Variants in GGPS1 observed in about 807,000 individuals in gnomAD.
The protein encoded by GGPS1 is geranylgeranyl pyrophosphate synthase.
GGPS1 carries 15 observed loss-of-function variants against 28.1 expected under a neutral mutation model. The ratio of observed to expected loss-of-function variants is 0.53; its 90% CI spans 0.36 to 0.82. The LOEUF (loss-of-function observed/expected upper bound fraction) is 0.82, where lower values mean the gene tolerates loss of function less well. Among genes scored for constraint, GGPS1 ranks in the 40% least tolerant of loss-of-function variants. The pLI is 0.01. For missense variants in GGPS1, 284 were observed against 348.3 expected, an observed-to-expected ratio of 0.82 and a Z score of 1.47; for synonymous variants, 138 against 122.4, an observed-to-expected ratio of 1.13 and a Z score of -0.84.
Position 235,344,151 on chromosome 1 carries a change from C to CAAAAAAAA in GGPS1, c.*1391_*1398dup, listed in dbSNP as rs77179024. 1 of 78,008 alleles carries CAAAAAAAA rather than the reference C, an allele frequency of 1.3e-5. No individual in the cohort carries two copies. Among genetic ancestry groups the CAAAAAAAA allele is most frequent in the Non-Finnish European group, 3.0e-5 (1 of 32,932 alleles). 4.8% of individuals were successfully genotyped at this position (78,008 alleles called of 1,614,324 possible). A position where few individuals can be genotyped will look rare whatever the true frequency, so the allele number is the denominator to read the frequency against. On this transcript the variant is annotated 3_prime_UTR_variant, in exon 4 of 4. Coordinates refer to ENST00000282841, the MANE Select transcript of GGPS1 (RefSeq NM_004837.4). ...GTCATCTGTGGCCCAAGAGGTAGGA[C>CAAAAAAAA]AAAAAAAAAAAAAAAAAAAGCTGAT...
intron 2 of GGPS1, among the ~76,000 whole-genome samples, chr1:235,335,557 G>A (rs1274645461): frequency 3.3e-5 from 5 of 151,852 alleles, no homozygotes; most frequent in Non-Finnish European, 7.3e-5. Context: ...TACTTGGGAG[G>A]CTGAGGCAGG....
intron 2 of GGPS1, among the ~76,000 whole-genome samples, chr1:235,338,886 G>A (rs1177773743): frequency 2.0e-5 from 3 of 151,820 alleles, no homozygotes; most frequent in African/African-American, 2.4e-5. Context: ...ATAATAGGCC[G>A]GGCGTGGTGG....
chr1:235,342,014 A>T lies in GGPS1; in HGVS notation c.145A>T (p.Ile49Phe). The change falls in exon 4 of 4, where the codon ATT becomes TTT. Residue 49 changes from isoleucine (I) to phenylalanine (F), a missense_variant. Ile to Phe is a conservative substitution (Grantham distance 21). Transcript: ENST00000282841. ...LKVPEDKLQI[I>F]IEVTEMLHNA... is the part of the protein sequence containing the mutation. ...AAATTTTCAATTTTTTTATTAGATT[A>T]TTATTGAAGTGACAGAAATGTTGCA... The T allele has an allele frequency of 6.5e-7, 1 of 1,545,056 alleles. No homozygotes were observed. Among genetic ancestry groups the T allele is most frequent in the Admixed American group, 2.0e-5 (1 of 50,334 alleles).
chr1:235,327,356 G>C, upstream of GGPS1: 1 of 152,990 alleles, frequency 6.5e-6, no homozygotes, highest in Non-Finnish European at 1.5e-5. Context: ...CGAGAGGCCG[G>C]CCGGGGGCCA....
At position 235,342,429 on chromosome 1, in the gene GGPS1, G is replaced by A. The variant is rs770150533; in HGVS notation, c.560G>A (p.Arg187Lys). ...LNTLGLFFQI[R>K]DDYANLHSKE... ...ACACTTGGGCTCTTTTTCCAAATTA[G>A]GGATGATTATGCTAATCTACACTCC... Residue 187 changes from arginine to lysine, a missense_variant, in exon 4 of 4, where the codon AGG (arginine) becomes AAG (lysine). Coordinates refer to ENST00000282841, the MANE Select transcript of GGPS1 (RefSeq NM_004837.4). 6.2e-7 allele frequency: 1 copy of A among 1,612,810 alleles called. No homozygotes were observed. Among genetic ancestry groups the A allele is most frequent in the African/African-American group, 1.3e-5 (1 of 74,744 alleles).
rs1017732962 is a variant in GGPS1, at chr1:235,343,346, G to A, written c.*574G>A. ...CGAGGCGGGCAGATCACGAGGTCAG[G>A]AGATCGAGACCATCCTGACACGGTG... On this transcript the variant is annotated 3_prime_UTR_variant, in exon 4 of 4. Transcript: ENST00000282841. The A allele has an allele frequency of 2.5e-5, 4 of 160,048 alleles. No individual in the cohort carries two copies. Among genetic ancestry groups the A allele is most frequent in the African/African-American group, 7.2e-5 (3 of 41,448 alleles). 9.9% of individuals were successfully genotyped at this position (160,048 alleles called of 1,614,324 possible).
At chr1:235,338,343 C>G (rs1255062942) in intron 2 of GGPS1, among the ~76,000 whole-genome samples, 3 of 151,436 alleles carry the variant, frequency 2.0e-5, no homozygotes, top group Non-Finnish European at 4.4e-5. Context: ...GATCACACCA[C>G]TGCACCCCAG....
chr1:235,341,611 AT>A, intron 2 of GGPS1, 96 bp from the exon 3 acceptor site: 1 of 774,752 alleles, frequency 1.3e-6, no homozygotes, highest in Non-Finnish European at 2.3e-6. Flanking sequence ...AGCAAGTCTG[AT>A]CAATCTAAAG....
chr1:235,339,988 C>A (rs1675983282), intron 2 of GGPS1, among the ~76,000 whole-genome samples: 1 of 151,704 alleles, frequency 6.6e-6, no homozygotes, highest in Admixed American at 6.6e-5. Context: ...TTAAATTAGC[C>A]ACGCATGGTG....
At chr1:235,338,761 T>C (rs945072320) in intron 2 of GGPS1, among the ~76,000 whole-genome samples, 1 of 151,930 alleles carries the variant, frequency 6.6e-6, no homozygotes, top group Non-Finnish European at 1.5e-5. Flanking sequence ...CTTGTTCTTG[T>C]AGTCCCAGCT....
intron 1 of GGPS1, among the ~76,000 whole-genome samples, chr1:235,332,301 A>G (rs1447798326): frequency 6.6e-6 from 1 of 152,154 alleles, no homozygotes; most frequent in African/African-American, 2.4e-5. Flanking sequence ...TCTAGCTCCC[A>G]TTTATAATTG....
chr1:235,339,437 C>G (rs989823749), intron 2 of GGPS1, among the ~76,000 whole-genome samples: 1 of 151,362 alleles, frequency 6.6e-6, no homozygotes, highest in African/African-American at 2.4e-5. Context: ...CGTGCCATTG[C>G]TTTCCAGCCT....
At chr1:235,333,511 G>T (rs1465211819) in intron 1 of GGPS1, among the ~76,000 whole-genome samples, 1 of 151,232 alleles carries the variant, frequency 6.6e-6, no homozygotes, top group Non-Finnish European at 1.5e-5. Context: ...GGAGGTTGCA[G>T]TGAGCCAAGA....
At chr1:235,340,735 CA>C (rs1165162184) in intron 2 of GGPS1, among the ~76,000 whole-genome samples, 302 of 50,968 alleles carry the variant, frequency 5.9e-3, no homozygotes, top group African/African-American at 0.021. Flanking sequence ...GACTCCGTCT[CA>C]AAAAAAAAAA....
chr1:235,340,731 G>A (rs541455363), intron 2 of GGPS1, among the ~76,000 whole-genome samples: 1,099 of 50,118 alleles, frequency 0.022, 6 homozygotes, highest in Non-Finnish European at 0.033. Flanking sequence ...GCGAGACTCC[G>A]TCTCAAAAAA....
In GGPS1 at chr1:235,342,788, G is replaced by C. The variant is rs189876160; in HGVS notation, c.*16G>C. The C allele has an allele frequency of 1.3e-5, 19 of 1,506,598 alleles. No homozygotes were observed. In the East Asian group the frequency reaches 4.1e-4, roughly 32 times the overall value. The allele number at this position is 1,506,598 out of a possible 1,614,324, so 93.3% of individuals were successfully genotyped here. The stretch of plus-strand genomic sequence containing the variant: ...AAATGAATAATGTTAAGCCATTCTT[G>C]ATTGGACCTCATAGCTTATTTTAGT... On this transcript the variant is annotated 3_prime_UTR_variant, in exon 4 of 4. Coordinates refer to ENST00000282841, the MANE Select transcript of GGPS1 (RefSeq NM_004837.4).
chr1:235,340,499 G>A (rs1388688260), intron 2 of GGPS1, among the ~76,000 whole-genome samples: 2 of 151,238 alleles, frequency 1.3e-5, no homozygotes, highest in African/African-American at 4.9e-5. Flanking sequence ...CACTTTGGGA[G>A]GCCGAGGCGG....
intron 1 of GGPS1, among the ~76,000 whole-genome samples, chr1:235,334,572 C>A (rs919906575): frequency 6.6e-5 from 10 of 152,180 alleles, no homozygotes; most frequent in Admixed American, 5.2e-4. Context: ...CGAAAAGAAA[C>A]CCTGTACTCA....
Position 235,344,250 on chromosome 1 carries a change from T to C in GGPS1, c.*1478T>C, listed in dbSNP as rs1438214474. 6.0e-6 allele frequency: 1 copy of C among 167,016 alleles called. No homozygotes were observed. Among genetic ancestry groups the C allele is most frequent in the African/African-American group, 2.4e-5 (1 of 41,436 alleles). The allele number at this position is 167,016 out of a possible 1,614,324, so 10.3% of individuals were successfully genotyped here. A position where few individuals can be genotyped will look rare whatever the true frequency, so the allele number is the denominator to read the frequency against. On this transcript the variant is annotated 3_prime_UTR_variant, in exon 4 of 4. Coordinates refer to ENST00000282841, the MANE Select transcript of GGPS1 (RefSeq NM_004837.4). The stretch of plus-strand genomic sequence containing the variant: ...CTTAGAAACATGTTTTGCTTGGTTC[T>C]ATAGTATGTTACTTAGGATCTATTT...
Sources: gnomAD v4.1 joint callset for allele counts (sites outside exome capture counted in the v4.1 genomes callset) on GRCh38, gnomAD v4.1.1 for gene constraint, MANE v1.5 for transcripts, NCBI Gene and HGNC (gene_info 2026-07-23, HGNC 2026-07-21) for gene names.